The following INO80D variants were observed in gnomAD, a reference collection of about 807,000 sequenced individuals.
The protein encoded by INO80D is INO80 complex subunit D.
In INO80D, 21 loss-of-function variants were observed where a neutral mutation model predicts 87.6. The observed-to-expected ratio is 0.24, with a 90% CI of 0.17 to 0.35. The LOEUF (loss-of-function observed/expected upper bound fraction) is 0.35, where lower values mean the gene tolerates loss of function less well. INO80D is among the 10% of genes least tolerant of loss of function. The pLI is 1.00. For synonymous variants in INO80D, 440 were observed against 491.0 expected (o/e 0.90, Z 1.37); for missense variants, 982 against 1,280.7 (o/e 0.77, Z 3.56).
At chr2:206,031,601 C>T (rs768091134) in intron 5 of INO80D, among the ~76,000 whole-genome samples, 14 of 152,210 alleles carry the variant, frequency 9.2e-5, no homozygotes, top group African/African-American at 2.9e-4. Context: ...TCCTGTGCTG[C>T]GCAGCACTTG....
intron 1 of INO80D, among the ~76,000 whole-genome samples, chr2:206,082,904 A>G (rs565467748): frequency 1.6e-4 from 24 of 152,336 alleles, no homozygotes; most frequent in Admixed American, 3.3e-4. Flanking sequence ...TAGTAGCAAC[A>G]TGATTTGCTG....
intron 4 of INO80D, among the ~76,000 whole-genome samples, chr2:206,051,998 G>A (rs999870926): frequency 3.3e-5 from 5 of 152,136 alleles, no homozygotes; most frequent in Admixed American, 6.5e-5. Flanking sequence ...AGTTTTATTT[G>A]AGAATATTCT....
At chr2:206,081,540 T>C (rs534953226) in intron 1 of INO80D, among the ~76,000 whole-genome samples, 1 of 152,120 alleles carries the variant, frequency 6.6e-6, no homozygotes, top group Non-Finnish European at 1.5e-5. Context: ...ATCCCTTGCA[T>C]CCAGGAGTTT....
At position 206,004,966 on chromosome 2, in the gene INO80D, T is replaced by G. The variant is rs777995293; in HGVS notation, c.2486A>C (p.His829Pro). 10 of 1,614,024 alleles carry G rather than the reference T, an allele frequency of 6.2e-6. No individual in the cohort carries two copies. The highest frequency in any genetic ancestry group is 8.5e-6 in the Non-Finnish European group (10 of 1,179,882). The part of the protein sequence containing the change: ...DHSHSSPHGS[H>P]YDSEHVPSPY... ...AGACGGCACATGCTCACTATCATAA[T>G]GGCTTCCATGGGGTGAGGAGTGTGA... Residue 829 changes from histidine (H) to proline (P), a missense_variant, in exon 11 of 11, where the codon CAT (histidine) becomes CCT (proline). By Grantham distance (77) the His-to-Pro change is moderately conservative. Coordinates refer to ENST00000403263, the MANE Select transcript of INO80D (RefSeq NM_017759.5). The surrounding 1 kb of genome is among the most constrained non-coding windows in gnomAD (Gnocchi z 4.9).
intron 9 of INO80D, among the ~76,000 whole-genome samples, chr2:206,007,652 T>C (rs1391251185): frequency 6.6e-6 from 1 of 151,980 alleles, no homozygotes; most frequent in Non-Finnish European, 1.5e-5. Context: ...CAAAACCTTG[T>C]CTCTACTAAG....
At chr2:206,028,390 G>C in intron 5 of INO80D, 55 bp from the exon 6 acceptor site, 1 of 1,396,042 alleles carries the variant, frequency 7.2e-7, no homozygotes, top group Non-Finnish European at 9.9e-7. Context: ...GCTCATTTTA[G>C]ACAGGGTAAA....
intron 10 of INO80D, among the ~76,000 whole-genome samples, chr2:206,006,590 GGA>G (rs1491242490): frequency 6.7e-6 from 1 of 149,552 alleles, no homozygotes. Flanking sequence ...GGCTGAGGCA[GGA>G]GAATCGCTGG....
chr2:206,081,630 G>A (rs985447634), intron 1 of INO80D, among the ~76,000 whole-genome samples: 4 of 151,864 alleles, frequency 2.6e-5, no homozygotes, highest in Admixed American at 2.0e-4. Flanking sequence ...GCAAGCACCT[G>A]TAGTCCTGGC....
At chr2:206,083,889 A>T (rs1309145627) in intron 1 of INO80D, among the ~76,000 whole-genome samples, 2 of 151,264 alleles carry the variant, frequency 1.3e-5, no homozygotes, top group Non-Finnish European at 2.9e-5. Flanking sequence ...GAAAAAACCA[A>T]CAATTAAACG....
At chr2:206,082,472 A>T (rs1232765952) in intron 1 of INO80D, among the ~76,000 whole-genome samples, 1 of 152,230 alleles carries the variant, frequency 6.6e-6, no homozygotes, top group Non-Finnish European at 1.5e-5. Flanking sequence ...CATTGTCAAA[A>T]ATCAGCCTTT....
chr2:206,022,452 C>CA (rs78541904), intron 6 of INO80D, among the ~76,000 whole-genome samples: 1 of 152,076 alleles, frequency 6.6e-6, no homozygotes, highest in South Asian at 2.1e-4. Flanking sequence ...GCCCAACAAA[C>CA]AAAGGGAATT....
rs1292835811 is a variant in INO80D at position 205,999,659 on chromosome 2, A to T, written c.*4709T>A. 1 of 152,240 alleles carries T rather than the reference A, an allele frequency of 6.6e-6. No homozygotes were observed. Among genetic ancestry groups the T allele is most frequent in the East Asian group, 1.9e-4 (1 of 5,200 alleles). The allele number at this position is 152,240 out of a possible 1,614,324, so 9.4% of individuals were successfully genotyped here. On this transcript the variant is annotated 3_prime_UTR_variant, in exon 11 of 11. Coordinates refer to ENST00000403263, the MANE Select transcript of INO80D (RefSeq NM_017759.5). ...TGCAGCATTAATGACACTGTTTATT[A>T]GAAGAGACATAACTATTCATTTATG...
chr2:206,022,162 G>A (rs1198779085), intron 6 of INO80D, among the ~76,000 whole-genome samples: 7 of 151,220 alleles, frequency 4.6e-5, no homozygotes, highest in African/African-American at 9.7e-5. Context: ...TCAGGAGTTC[G>A]AGACCAGCCT....
intron 8 of INO80D, among the ~76,000 whole-genome samples, chr2:206,012,157 A>G (rs1394077135): frequency 6.6e-6 from 1 of 152,200 alleles, no homozygotes; most frequent in African/African-American, 2.4e-5. Flanking sequence ...CCTGCTCTAA[A>G]GGCTACTTAC....
intron 6 of INO80D, chr2:206,025,542 A>AAAAAATATATATAT (rs71301548): frequency 1.0e-4 from 8 of 76,944 alleles, no homozygotes; most frequent in East Asian, 4.4e-4. Flanking sequence ...AAAAAAAAAA[A>AAAAAATATATATAT]ATATATATAT....
At chr2:206,027,509 G>A (rs1192899354) in intron 6 of INO80D, among the ~76,000 whole-genome samples, 4 of 152,068 alleles carry the variant, frequency 2.6e-5, no homozygotes, top group African/African-American at 9.7e-5. Flanking sequence ...GACCAGCTTG[G>A]GCAATACAGC....
At chr2:206,040,217 CAGG>C (rs1689006878) in intron 5 of INO80D, among the ~76,000 whole-genome samples, 1 of 143,960 alleles carries the variant, frequency 6.9e-6, no homozygotes, top group Non-Finnish European at 1.5e-5. Flanking sequence ...TGCTTGAACT[CAGG>C]AGGTTTAGTG....
chr2:206,000,972 A>T lies in INO80D; in HGVS notation c.*3396T>A, dbSNP rs1421768535. On this transcript the variant is annotated 3_prime_UTR_variant, in exon 11 of 11. Transcript: ENST00000403263. Reference sequence around the variant, plus strand: ...CATTTATAAAGCAGTTATATCACACATGGTAGGTCACCAGAGAAAATAATC... The same window carrying T: ...CATTTATAAAGCAGTTATATCACACTTGGTAGGTCACCAGAGAAAATAATC... 1 of 152,192 alleles carries T rather than the reference A, an allele frequency of 6.6e-6. No individual in the cohort carries two copies. The highest frequency in any genetic ancestry group is 2.4e-5 in the African/African-American group (1 of 41,434). 9.4% of individuals were successfully genotyped at this position (152,192 alleles called of 1,614,324 possible).
chr2:206,011,791 A>C (rs1688183401), intron 8 of INO80D, among the ~76,000 whole-genome samples: 1 of 152,226 alleles, frequency 6.6e-6, no homozygotes, highest in African/African-American at 2.4e-5. Context: ...AGTAACAAAA[A>C]AATGGTCCTG....
Sources: allele counts gnomAD v4.1 joint callset (sites outside exome capture counted in the v4.1 genomes callset), GRCh38; gene constraint gnomAD v4.1.1; non-coding constraint Gnocchi (gnomAD v3.1); transcripts MANE v1.5; gene names NCBI Gene and HGNC (gene_info 2026-07-23, HGNC 2026-07-21).